The following IMMP2L variants were observed in gnomAD, a reference collection of about 807,000 sequenced individuals.
IMMP2L encodes the protein inner mitochondrial membrane peptidase subunit 2.
In IMMP2L, 18 loss-of-function variants were observed where a neutral mutation model predicts 19.3. That is an observed-to-expected ratio of 0.93 (90% CI 0.64 to 1.38). The LOEUF is 1.38. Ranked by LOEUF, IMMP2L falls within the 40% of genes most tolerant of loss-of-function variation. The probability of loss-of-function intolerance (pLI) is 0.00; values close to 1 mark genes in which losing one functional copy is unlikely to be tolerated. For synonymous variants in IMMP2L, 76 were observed against 73.0 expected (o/e 1.04, Z -0.21); for missense variants, 233 against 218.2 (o/e 1.07, Z -0.43).
chr7:111,532,060 G>A (rs1039174699), intron 1 of IMMP2L, among the ~76,000 whole-genome samples: 3 of 151,998 alleles, frequency 2.0e-5, no homozygotes, highest in East Asian at 3.9e-4. Context: ...TAGAAGAAGT[G>A]AGATAGGGGA....
intron 5 of IMMP2L, among the ~76,000 whole-genome samples, chr7:110,745,158 G>C (rs915520016): frequency 2.0e-5 from 3 of 152,146 alleles, no homozygotes; most frequent in Non-Finnish European, 2.9e-5. Context: ...ATCAGAGACA[G>C]AAGATCAACT....
intron 3 of IMMP2L, among the ~76,000 whole-genome samples, chr7:111,034,400 A>C (rs930658923): frequency 6.6e-6 from 1 of 152,142 alleles, no homozygotes; most frequent in Admixed American, 6.5e-5. Context: ...TTAATTATAC[A>C]AGATTCAGAG....
At chr7:111,348,002 G>C (rs2130854721) in intron 3 of IMMP2L, among the ~76,000 whole-genome samples, 1 of 152,020 alleles carries the variant, frequency 6.6e-6, no homozygotes, top group South Asian at 2.1e-4. Context: ...CATGGATGCA[G>C]CTGGAAACCA....
intron 3 of IMMP2L, among the ~76,000 whole-genome samples, chr7:111,156,143 T>C (rs939912103): frequency 1.3e-5 from 2 of 152,264 alleles, no homozygotes; most frequent in African/African-American, 2.4e-5. Flanking sequence ...TGATTTAAAA[T>C]AATACTGTTG....
At chr7:110,809,748 T>A (rs1290908983) in intron 5 of IMMP2L, among the ~76,000 whole-genome samples, 5 of 152,072 alleles carry the variant, frequency 3.3e-5, no homozygotes, top group Non-Finnish European at 7.4e-5. Context: ...AGGGCAACTA[T>A]CTGTTTCATC....
Position 111,441,895 on chromosome 7 carries a change from T to C in IMMP2L, c.239+45343A>G, listed in dbSNP as rs146787921. On this transcript the variant is annotated intron_variant, in intron 3 of 5. Coordinates refer to ENST00000405709, the MANE Select transcript of IMMP2L (RefSeq NM_032549.4). The stretch of plus-strand genomic sequence containing the variant: ...GGCTCACACCTGTAATCCCAGCACT[T>C]TGGGAGGCCAAGGCGGGCAGATCAC... 4.5e-3 allele frequency among the ~76,000 whole-genome samples: 687 copies of C among 151,716 alleles called. 4 individuals are homozygous for C. Among genetic ancestry groups the C allele is most frequent in the South Asian group, 6.8e-3 (33 of 4,818 alleles).
intron 2 of IMMP2L, among the ~76,000 whole-genome samples, chr7:111,497,141 A>G (rs1003974973): frequency 1.3e-5 from 2 of 152,170 alleles, no homozygotes; most frequent in African/African-American, 4.8e-5. Context: ...AGAACGCCCC[A>G]TCAAAGTGTC....
At chr7:110,763,828 G>T (rs1798493904) in intron 5 of IMMP2L, among the ~76,000 whole-genome samples, 1 of 152,122 alleles carries the variant, frequency 6.6e-6, no homozygotes, top group Non-Finnish European at 1.5e-5. Context: ...AGCTTAGATT[G>T]TCTGTAGGTA....
At chr7:110,927,362 AC>A (rs1814970725) in intron 4 of IMMP2L, among the ~76,000 whole-genome samples, 1 of 152,088 alleles carries the variant, frequency 6.6e-6, no homozygotes, top group Non-Finnish European at 1.5e-5. Flanking sequence ...GCTGTCCATG[AC>A]CTGATTCCTA....
chr7:111,025,434 C>A (rs1423189973), intron 3 of IMMP2L, among the ~76,000 whole-genome samples: 3 of 152,074 alleles, frequency 2.0e-5, no homozygotes, highest in Admixed American at 6.6e-5. Context: ...AAACTATGAT[C>A]CTGAAAGCAT....
intron 1 of IMMP2L, among the ~76,000 whole-genome samples, chr7:111,561,522 A>G (rs529887972): frequency 5.5e-4 from 84 of 152,268 alleles, no homozygotes; most frequent in Non-Finnish European, 7.9e-4. Flanking sequence ...AAGCTGGCTA[A>G]TAAGATAGGG....
intron 3 of IMMP2L, among the ~76,000 whole-genome samples, chr7:111,081,305 AAAAC>A (rs766898891): frequency 2.7e-4 from 41 of 152,366 alleles, no homozygotes; most frequent in African/African-American, 5.3e-4. Flanking sequence ...AGAAAATGTA[AAAAC>A]AAACAAACAA....
intron 3 of IMMP2L, among the ~76,000 whole-genome samples, chr7:111,081,278 A>T (rs1312973557): frequency 6.6e-6 from 1 of 152,256 alleles, no homozygotes; most frequent in Admixed American, 6.5e-5. Context: ...GAGACTGCCA[A>T]TATATTTAAG....
intron 2 of IMMP2L, among the ~76,000 whole-genome samples, chr7:111,510,495 T>G (rs529565075): frequency 6.6e-6 from 1 of 152,138 alleles, no homozygotes; most frequent in Non-Finnish European, 1.5e-5. Flanking sequence ...GGGGAGACAC[T>G]GCCTCTGCCA....
chr7:111,235,289 T>A (rs1361557963), intron 3 of IMMP2L, among the ~76,000 whole-genome samples: 2 of 151,916 alleles, frequency 1.3e-5, no homozygotes, highest in Non-Finnish European at 2.9e-5. Context: ...CTGACCAACA[T>A]GGAGAAACCC....
chr7:111,477,729 T>A (rs1341091246), intron 3 of IMMP2L, among the ~76,000 whole-genome samples: 3 of 151,846 alleles, frequency 2.0e-5, no homozygotes, highest in Non-Finnish European at 4.4e-5. Flanking sequence ...AGAAACCCCA[T>A]CTCTACTAAA....
chr7:110,760,030 A>G lies in IMMP2L; in HGVS notation c.409-96309T>C, dbSNP rs1031341406. The stretch of plus-strand genomic sequence containing the variant: ...AAAAAAGCTTCCTTTTCTCCCCACA[A>G]TGCCAGTTAAGCCTTCCATTTAATA... On this transcript the variant is annotated intron_variant, in intron 5 of 5. Coordinates refer to ENST00000405709, the MANE Select transcript of IMMP2L (RefSeq NM_032549.4). This position sits in a 1 kb window ranked among gnomAD's most constrained non-coding sequence, Gnocchi z 4.2. Among the ~76,000 whole-genome samples the G allele has an allele frequency of 1.3e-5, 2 of 152,126 alleles. No individual in the cohort carries two copies. The highest frequency in any genetic ancestry group is 2.9e-5 in the Non-Finnish European group (2 of 68,024).
intron 2 of IMMP2L, among the ~76,000 whole-genome samples, chr7:111,496,693 C>T (rs1843627057): frequency 6.6e-6 from 1 of 152,182 alleles, no homozygotes; most frequent in South Asian, 2.1e-4. Flanking sequence ...GACTCTGGGA[C>T]TTGAACCAGC....
chr7:111,287,075 AT>A (rs1251176134), intron 3 of IMMP2L, among the ~76,000 whole-genome samples: 1 of 152,158 alleles, frequency 6.6e-6, no homozygotes, highest in Non-Finnish European at 1.5e-5. Context: ...GATCTCTGCA[AT>A]TGATTTTAGA....
Sources: allele counts gnomAD v4.1 joint callset (sites outside exome capture counted in the v4.1 genomes callset), GRCh38; gene constraint gnomAD v4.1.1; non-coding constraint Gnocchi (gnomAD v3.1); transcripts MANE v1.5; gene names NCBI Gene and HGNC (gene_info 2026-07-23, HGNC 2026-07-21).